Variants in TENM3 observed in about 807,000 individuals in gnomAD.
TENM3 encodes the protein teneurin-3.
TENM3 carries 63 observed loss-of-function variants against 255.1 expected under a neutral mutation model. The ratio of observed to expected loss-of-function variants is 0.25; its 90% CI spans 0.20 to 0.30. The LOEUF is 0.30. TENM3 is among the 10% of genes least tolerant of loss of function. TENM3 has a pLI of 1.00. For synonymous variants in TENM3, 1,306 were observed against 1,322.3 expected, an observed-to-expected ratio of 0.99 and a Z score of 0.27; for missense variants, 2,929 against 3,461.1, an observed-to-expected ratio of 0.85 and a Z score of 3.86.
chr4:181,520,507 G>A, the TENM3 span, among the ~76,000 whole-genome samples: 2 of 151,940 alleles, frequency 1.3e-5, no homozygotes, highest in Non-Finnish European at 2.9e-5. Context: ...TAACAATTAG[G>A]CAAGTAACTA....
rs572633385 is a variant in TENM3 at position 182,680,632 on chromosome 4, G to T, written c.1729G>T (p.Val577Leu). The T allele has an allele frequency of 6.2e-7, 1 of 1,613,602 alleles. No homozygotes were observed. Among genetic ancestry groups the T allele is most frequent in the South Asian group, 1.1e-5 (1 of 91,030 alleles). Reference sequence around the variant, plus strand: ...CGGCTGGAAGGGCACCGAGTGTGATGTGCCGACTACCCAGTGTATTGACCC... The same window carrying T: ...CGGCTGGAAGGGCACCGAGTGTGATTTGCCGACTACCCAGTGTATTGACCC... ...FSGWKGTECD[V>L]PTTQCIDPQC... Residue 577 changes from valine (V) to leucine (L), a missense_variant, in exon 10 of 28, where the codon GTG becomes TTG. Coordinates refer to ENST00000511685, the MANE Select transcript of TENM3 (RefSeq NM_001080477.4).
At chr4:182,436,010 T>C (rs1772015318) in intron 3 of TENM3, among the ~76,000 whole-genome samples, 1 of 152,198 alleles carries the variant, frequency 6.6e-6, no homozygotes, top group Admixed American at 6.5e-5. Flanking sequence ...GCTTTTTTTT[T>C]CTTTTTACTA....
intron 1 of TENM3, among the ~76,000 whole-genome samples, chr4:182,159,444 ATG>A (rs1750942301): frequency 1.0e-5 from 1 of 96,116 alleles, no homozygotes; most frequent in African/African-American, 4.6e-5. Context: ...GATAGTGTGT[ATG>A]AGTGTGTGTG....
intron 3 of TENM3, among the ~76,000 whole-genome samples, chr4:182,560,364 A>G (rs1440548597): frequency 1.3e-5 from 2 of 152,210 alleles, no homozygotes; most frequent in Admixed American, 1.3e-4. Flanking sequence ...TCGAGAGTAG[A>G]TTCCATTCCC....
the TENM3 span, among the ~76,000 whole-genome samples, chr4:181,654,330 CCA>C: frequency 1.8e-4 from 27 of 151,904 alleles, no homozygotes; most frequent in East Asian, 3.3e-3. Context: ...AAGAAAAATG[CCA>C]CAGAGTTTTG....
the TENM3 span, among the ~76,000 whole-genome samples, chr4:181,760,908 C>T: frequency 6.6e-6 from 1 of 151,234 alleles, no homozygotes; most frequent in Non-Finnish European, 1.5e-5. Context: ...GGTTTTAACC[C>T]ATGAGGATTA....
intron 1 of TENM3, among the ~76,000 whole-genome samples, chr4:182,257,549 C>G (rs1758489171): frequency 6.6e-6 from 1 of 152,158 alleles, no homozygotes; most frequent in Non-Finnish European, 1.5e-5. Flanking sequence ...GTGTGAGCAT[C>G]TAGAGGACTT....
the TENM3 span, among the ~76,000 whole-genome samples, chr4:182,095,404 G>GACTAACTTAACTT: frequency 1.3e-4 from 20 of 152,304 alleles, no homozygotes; most frequent in African/African-American, 4.3e-4. Flanking sequence ...AACATGGATG[G>GACTAACTTAACTT]AACTAAAGGA....
chr4:181,978,605 C>T, the TENM3 span, among the ~76,000 whole-genome samples: 1,673 of 149,326 alleles, frequency 0.011, 17 homozygotes, highest in Middle Eastern at 0.021. Flanking sequence ...CGAGATGGTG[C>T]CACGGCACTC....
intron 13 of TENM3, among the ~76,000 whole-genome samples, chr4:182,718,550 A>G (rs1044889103): frequency 1.3e-5 from 2 of 152,316 alleles, no homozygotes. Context: ...TATGGGAATA[A>G]GAATAGTTCT....
At chr4:181,622,791 G>A in the TENM3 span, among the ~76,000 whole-genome samples, 1 of 152,038 alleles carries the variant, frequency 6.6e-6, no homozygotes, top group Admixed American at 6.6e-5. Flanking sequence ...TTGGCCTTTG[G>A]TGCCCAACCT....
chr4:182,149,039 T>C (rs1750151381), intron 1 of TENM3, among the ~76,000 whole-genome samples: 1 of 152,026 alleles, frequency 6.6e-6, no homozygotes, highest in African/African-American at 2.4e-5. Flanking sequence ...TAAAGAAAGA[T>C]GTAACTGCTT....
intron 1 of TENM3, among the ~76,000 whole-genome samples, chr4:182,186,926 G>A (rs1273941070): frequency 1.3e-5 from 2 of 149,492 alleles, no homozygotes; most frequent in East Asian, 2.0e-4. Context: ...AGATAGCACC[G>A]CTTCTTCAGA....
intron 24 of TENM3, among the ~76,000 whole-genome samples, chr4:182,785,416 G>A (rs912183529): frequency 6.6e-6 from 1 of 151,520 alleles, no homozygotes; most frequent in Admixed American, 6.6e-5. Context: ...TTATTAAAAG[G>A]CTACCAGAAG....
chr4:182,279,444 G>C (rs76585518), intron 1 of TENM3, among the ~76,000 whole-genome samples: 2 of 152,120 alleles, frequency 1.3e-5, no homozygotes, highest in South Asian at 4.1e-4. Flanking sequence ...ATGACATTTT[G>C]AGTGCATTGC....
intron 3 of TENM3, among the ~76,000 whole-genome samples, chr4:182,515,181 A>C (rs1737813123): frequency 6.6e-6 from 1 of 152,220 alleles, no homozygotes; most frequent in Non-Finnish European, 1.5e-5. Flanking sequence ...GGAAGTGAGG[A>C]AAGTGAGGCA....
At chr4:182,683,447 G>A (rs28665961) in intron 11 of TENM3, among the ~76,000 whole-genome samples, 3 of 152,186 alleles carry the variant, frequency 2.0e-5, no homozygotes, top group Admixed American at 2.0e-4. Flanking sequence ...TTTCAGATTA[G>A]GGATGCTCCA....
chr4:181,509,889 A>T, the TENM3 span, among the ~76,000 whole-genome samples: 1 of 152,346 alleles, frequency 6.6e-6, no homozygotes, highest in African/African-American at 2.4e-5. Context: ...GTCACTCTAT[A>T]ATTTATTTCA....
intron 1 of TENM3, among the ~76,000 whole-genome samples, chr4:182,256,333 GATATACTA>G (rs1354251949): frequency 6.6e-6 from 1 of 152,190 alleles, no homozygotes; most frequent in East Asian, 1.9e-4. Flanking sequence ...AGTGGCAGAT[GATATACTA>G]ATCAGGAACA....
Sources: allele counts gnomAD v4.1 joint callset (sites outside exome capture counted in the v4.1 genomes callset), GRCh38; gene constraint gnomAD v4.1.1; transcripts MANE v1.5; gene names NCBI Gene and HGNC (gene_info 2026-07-23, HGNC 2026-07-21).